PUM3: variants seen among roughly 807,000 people sequenced by gnomAD.
The protein encoded by PUM3 is pumilio RNA binding family member 3.
PUM3 carries 91 observed loss-of-function variants against 84.0 expected under a neutral mutation model. The ratio of observed to expected loss-of-function variants is 1.08; its 90% confidence interval spans 0.91 to 1.29. The LOEUF (loss-of-function observed/expected upper bound fraction) is 1.29, where lower values mean the gene tolerates loss of function less well. Among genes scored for constraint, PUM3 ranks in the 50% most tolerant of loss-of-function variants. PUM3 has a pLI of 0.00. For synonymous variants in PUM3, 321 were observed against 266.7 expected, an observed-to-expected ratio of 1.20 and a Z score of -1.98; for missense variants, 1,067 against 767.5, an observed-to-expected ratio of 1.39 and a Z score of -4.61.
chr9:2,819,312 C>G (rs925245888), intron 13 of PUM3, among the ~76,000 whole-genome samples: 1 of 152,184 alleles, frequency 6.6e-6, no homozygotes, highest in East Asian at 1.9e-4. Flanking sequence ...TGGAGTACTT[C>G]CCCTAAGAGG....
At chr9:2,841,370 G>A (rs1429452302) in intron 1 of PUM3, among the ~76,000 whole-genome samples, 1 of 152,060 alleles carries the variant, frequency 6.6e-6, no homozygotes, top group Non-Finnish European at 1.5e-5. Context: ...ATTACCTGAG[G>A]TCAGGAGTTC....
At chr9:2,830,871 C>A (rs1023056622) in intron 7 of PUM3, 91 bp downstream of exon 7, 2 of 693,988 alleles carry the variant, frequency 2.9e-6, no homozygotes, top group Admixed American at 2.7e-5. Flanking sequence ...TTATAAAGAC[C>A]ACAGACTTCC....
Position 2,837,164 on chromosome 9 carries a change from A to C in PUM3, c.304+16T>G, listed in dbSNP as rs745747173. ...CGTTCAGGCACTAGTTCAGGCATGA[A>C]CGAACCAGTACTTACCATCGCTTCT... On this transcript the variant is annotated intron_variant, in intron 3 of 17. Transcript: ENST00000397885. 5 of 1,608,026 alleles carry C rather than the reference A, an allele frequency of 3.1e-6. No individual in the cohort carries two copies. The highest frequency in any genetic ancestry group is 2.7e-5 in the African/African-American group (2 of 74,786).
At chr9:2,816,626 C>G (rs1171895181) in intron 13 of PUM3, among the ~76,000 whole-genome samples, 3 of 152,190 alleles carry the variant, frequency 2.0e-5, no homozygotes, top group Non-Finnish European at 4.4e-5. Context: ...GGTGTGTGCT[C>G]TCGCCATTTC....
intron 12 of PUM3, among the ~76,000 whole-genome samples, chr9:2,821,758 G>A (rs550235424): frequency 6.6e-6 from 1 of 152,208 alleles, no homozygotes; most frequent in South Asian, 2.1e-4. Flanking sequence ...TAGTTCTAGG[G>A]ATTTATCTTG....
chr9:2,832,384 C>T (rs1034109182), intron 5 of PUM3, among the ~76,000 whole-genome samples: 2 of 152,136 alleles, frequency 1.3e-5, no homozygotes. Flanking sequence ...TCTTACTTCC[C>T]TGAGTCCCAG....
intron 5 of PUM3, among the ~76,000 whole-genome samples, chr9:2,831,720 T>C (rs1029202002): frequency 1.1e-4 from 17 of 152,216 alleles, no homozygotes; most frequent in Non-Finnish European, 2.1e-4. Flanking sequence ...GGTCTGTTAC[T>C]GTATGATTTT....
chr9:2,809,478 A>C (rs967599625), intron 16 of PUM3, among the ~76,000 whole-genome samples: 4 of 152,276 alleles, frequency 2.6e-5, no homozygotes, highest in Non-Finnish European at 5.9e-5. Context: ...AATTTAGTGA[A>C]AAATAGCCCC....
intron 10 of PUM3, among the ~76,000 whole-genome samples, chr9:2,825,477 T>C (rs369300265): frequency 3.9e-5 from 6 of 152,262 alleles, no homozygotes; most frequent in African/African-American, 1.4e-4. Context: ...TATAATTTCT[T>C]ATTTACATTT....
chr9:2,831,351 GA>G lies in PUM3; in HGVS notation c.517-8del. On this transcript the variant is annotated splice_region_variant and splice_polypyrimidine_tract_variant and intron_variant, in intron 5 of 17. Coordinates refer to ENST00000397885, the MANE Select transcript of PUM3 (RefSeq NM_014878.5). Reference sequence around the variant, plus strand: ...AATCGTGTGCAAATGCAATCTGCAGGAAAAAGTTTGAGTTAGACTAATTCTC... The same window carrying G: ...AATCGTGTGCAAATGCAATCTGCAGGAAAAGTTTGAGTTAGACTAATTCTC... The G allele has an allele frequency of 1.9e-6, 3 of 1,575,638 alleles. No individual in the cohort carries two copies. Among genetic ancestry groups the G allele is most frequent in the Non-Finnish European group, 2.6e-6 (3 of 1,150,372 alleles).
chr9:2,815,433 T>C (rs1353319348), intron 13 of PUM3, among the ~76,000 whole-genome samples: 2 of 152,164 alleles, frequency 1.3e-5, no homozygotes, highest in African/African-American at 2.4e-5. Flanking sequence ...TCCAGTAACA[T>C]GTATAAATAG....
Position 2,841,546 on chromosome 9 carries a change from C to A in PUM3, c.-11+2499G>T, listed in dbSNP as rs546398382. On this transcript the variant is annotated intron_variant, in intron 1 of 17. Transcript: ENST00000397885. ...TTGTGCCACTACACTCCAGCCTGGG[C>A]AACAGAGTGAGACTCTATTTCAAAT... Among the ~76,000 whole-genome samples, 495 of 152,218 alleles carry A rather than the reference C, an allele frequency of 3.3e-3. 26 individuals carry two copies. The South Asian group carries it at 0.095, about 29-fold the overall frequency.
intron 17 of PUM3, among the ~76,000 whole-genome samples, chr9:2,807,068 C>G (rs1443298703): frequency 6.6e-6 from 1 of 151,946 alleles, no homozygotes; most frequent in African/African-American, 2.4e-5. Flanking sequence ...ATTAGCTGGG[C>G]GTGGTGGCGG....
intron 8 of PUM3, 146 bp from the exon 9 acceptor site, chr9:2,828,924 C>G: frequency 1.6e-6 from 1 of 643,716 alleles, no homozygotes. Flanking sequence ...TGCTGTATAT[C>G]CTTGTGGAGT....
chr9:2,810,395 G>A lies in PUM3; in HGVS notation c.1672C>T (p.Leu558=). ...TTATCTTGCTCTATTAACCACTTCAGAACTAGATGTCCTGCAGGATGTTCT... is the reference window on the plus strand; with the variant it reads ...TTATCTTGCTCTATTAACCACTTCAAAACTAGATGTCCTGCAGGATGTTCT... ...IAEHPAGHLV[L]KWLIEQDKKM... The change falls in exon 16 of 18, where the codon CTG becomes TTG. Residue 558 remains leucine (L), a synonymous_variant. Coordinates refer to ENST00000397885, the MANE Select transcript of PUM3 (RefSeq NM_014878.5). 1 of 1,612,018 alleles carries A rather than the reference G, an allele frequency of 6.2e-7. No homozygotes were observed. The highest frequency in any genetic ancestry group is 8.5e-7 in the Non-Finnish European group (1 of 1,178,810).
In PUM3 at chr9:2,818,362, G is replaced by A. The variant is rs534204475; in HGVS notation, c.1269+1656C>T. Among the ~76,000 whole-genome samples the A allele has an allele frequency of 2.6e-5, 4 of 152,296 alleles. No homozygotes were observed. The South Asian group carries it at 8.3e-4, about 32-fold the overall frequency. ...GCAGTTGTGGGAATCAAAGTGATAA[G>A]CATAAGGAATTAAAACTTTTTCAAC... On this transcript the variant is annotated intron_variant, in intron 13 of 17. Transcript: ENST00000397885.
At chr9:2,810,455 A>T (rs1408254126) in intron 15 of PUM3, 24 bp from the exon 16 acceptor site, 1 of 1,515,088 alleles carries the variant, frequency 6.6e-7, no homozygotes, top group South Asian at 1.2e-5. Flanking sequence ...AGAACAGTTA[A>T]TTTTAAAAGT....
chr9:2,839,513 T>C (rs754086391), intron 1 of PUM3, among the ~76,000 whole-genome samples: 3 of 152,216 alleles, frequency 2.0e-5, no homozygotes, highest in African/African-American at 4.8e-5. Flanking sequence ...TTTGCTAATA[T>C]ATACAATCAA....
intron 2 of PUM3, 109 bp from the exon 3 acceptor site, chr9:2,837,510 C>G: frequency 5.8e-6 from 4 of 685,400 alleles, no homozygotes; most frequent in Non-Finnish European, 7.3e-6. Context: ...AATACCATGT[C>G]TTACTCTCAA....
Sources: allele counts gnomAD v4.1 joint callset (sites outside exome capture counted in the v4.1 genomes callset), GRCh38; gene constraint gnomAD v4.1.1; transcripts MANE v1.5; gene names NCBI Gene and HGNC (gene_info 2026-07-23, HGNC 2026-07-21).